The following MPRIP variants were observed in gnomAD, a reference collection of about 807,000 sequenced individuals.
MPRIP encodes myosin phosphatase Rho-interacting protein.
Under a neutral mutation model 234.9 loss-of-function variants are expected in MPRIP, and 59 were observed. The observed-to-expected ratio is 0.25, with a 90% CI of 0.20 to 0.31. The LOEUF (loss-of-function observed/expected upper bound fraction) is 0.31. Among genes scored for constraint, MPRIP ranks in the 10% least tolerant of loss-of-function variants. MPRIP has a pLI of 1.00. For missense variants in MPRIP, 2,436 were observed against 3,071.0 expected (o/e 0.79, Z 4.89); for synonymous variants, 1,144 against 1,263.9 (o/e 0.91, Z 2.01).
intron 4 of MPRIP, among the ~76,000 whole-genome samples, chr17:17,129,056 GGT>G (rs2090547067): frequency 6.6e-6 from 1 of 152,170 alleles, no homozygotes; most frequent in Admixed American, 6.5e-5. Flanking sequence ...CTTCTTCCCA[GGT>G]CTTCTCTGCA....
At chr17:17,046,277 C>T (rs1176751553) in intron 1 of MPRIP, among the ~76,000 whole-genome samples, 1 of 152,164 alleles carries the variant, frequency 6.6e-6, no homozygotes, top group African/African-American at 2.4e-5. Context: ...ATAATTTAAC[C>T]CGTTTCCTTA....
At chr17:17,049,754 T>C (rs771292763) in intron 1 of MPRIP, among the ~76,000 whole-genome samples, 18 of 152,148 alleles carry the variant, frequency 1.2e-4, no homozygotes, top group Non-Finnish European at 1.9e-4. Flanking sequence ...CCATTCTTGG[T>C]TTTGGGGTCT....
intron 3 of MPRIP, among the ~76,000 whole-genome samples, chr17:17,079,248 G>C (rs1468026829): frequency 1.3e-5 from 2 of 152,200 alleles, no homozygotes; most frequent in African/African-American, 4.8e-5. Flanking sequence ...CACCTCACTG[G>C]TTCCTACTTA....
At chr17:17,152,078 C>A (rs1053099919) in intron 12 of MPRIP, among the ~76,000 whole-genome samples, 2 of 152,252 alleles carry the variant, frequency 1.3e-5, no homozygotes, top group African/African-American at 4.8e-5. Flanking sequence ...CTAAGAAAAT[C>A]CTGGCCGCCA....
In MPRIP at chr17:17,078,198, G is replaced by A; in HGVS notation, c.267+122G>A. ...TGCTCCTGCTTGTGTCTGTTTGGGAGTGTGGAATGTTTTGAAGAACTTGTG... is the reference window on the plus strand; with the variant it reads ...TGCTCCTGCTTGTGTCTGTTTGGGAATGTGGAATGTTTTGAAGAACTTGTG... On this transcript the variant is annotated intron_variant, in intron 3 of 23. Coordinates refer to ENST00000651222, the MANE Select transcript of MPRIP (RefSeq NM_001364716.4). The surrounding 1 kb of genome is among the most constrained non-coding windows in gnomAD (Gnocchi z 4.3). 1 of 1,064,458 alleles carries A rather than the reference G, an allele frequency of 9.4e-7. No homozygotes were observed. The highest frequency in any genetic ancestry group is 1.4e-6 in the Non-Finnish European group (1 of 711,712). The allele number at this position is 1,064,458 out of a possible 1,614,324, so 65.9% of individuals were successfully genotyped here.
At chr17:17,137,839 G>A in intron 6 of MPRIP, 77 bp from the exon 7 acceptor site, 4 of 1,384,698 alleles carry the variant, frequency 2.9e-6, no homozygotes, top group Non-Finnish European at 3.9e-6. Flanking sequence ...TCCTACATGG[G>A]CTTTAAAAAA....
At chr17:17,084,461 A>C (rs2089539065) in intron 3 of MPRIP, among the ~76,000 whole-genome samples, 2 of 152,192 alleles carry the variant, frequency 1.3e-5, no homozygotes, top group African/African-American at 4.8e-5. Flanking sequence ...TACTTCTCAC[A>C]ATGGTAGATA....
At chr17:17,112,686 T>C (rs1038570606) in intron 3 of MPRIP, among the ~76,000 whole-genome samples, 3 of 152,286 alleles carry the variant, frequency 2.0e-5, no homozygotes, top group East Asian at 1.9e-4. Context: ...GGAGCCCAGC[T>C]CTGCGGGAGG....
At chr17:17,093,947 C>G (rs1296331087) in intron 3 of MPRIP, among the ~76,000 whole-genome samples, 1 of 152,208 alleles carries the variant, frequency 6.6e-6, no homozygotes, top group African/African-American at 2.4e-5. Flanking sequence ...TAATGTTACT[C>G]ACAGAGCTGG....
chr17:17,043,628 C>T (rs1208862342), intron 1 of MPRIP, among the ~76,000 whole-genome samples: 5 of 152,184 alleles, frequency 3.3e-5, no homozygotes, highest in African/African-American at 4.8e-5. Flanking sequence ...CTAGTTATGA[C>T]TCCCAAACGT....
chr17:17,183,219 T>G, intron 23 of MPRIP: 1 of 152,174 alleles, frequency 6.6e-6, no homozygotes, highest in African/African-American at 2.4e-5. Context: ...ACCAGTGAGG[T>G]TGTTTGTTTG....
intron 14 of MPRIP, among the ~76,000 whole-genome samples, chr17:17,159,682 G>A (rs1415793933): frequency 6.6e-6 from 1 of 152,246 alleles, no homozygotes; most frequent in Non-Finnish European, 1.5e-5. Context: ...GAACTTCAGT[G>A]GTAGATTGAC....
chr17:17,171,700 C>T lies in MPRIP; in HGVS notation c.6325-18C>T. 6.2e-7 allele frequency: 1 copy of T among 1,604,372 alleles called. No individual in the cohort carries two copies. Among genetic ancestry groups the T allele is most frequent in the South Asian group, 1.1e-5 (1 of 89,350 alleles). Reference sequence around the variant, plus strand: ...AGGTAAAGAAAGAAGTCGATGAAGTCCCTTTTGCATTTTGCAGGCCACGTG... The same window carrying T: ...AGGTAAAGAAAGAAGTCGATGAAGTTCCTTTTGCATTTTGCAGGCCACGTG... On this transcript the variant is annotated intron_variant, in intron 16 of 23. Transcript: ENST00000651222.
chr17:17,125,008 G>A (rs1444564305), intron 3 of MPRIP, among the ~76,000 whole-genome samples: 1 of 152,216 alleles, frequency 6.6e-6, no homozygotes, highest in Non-Finnish European at 1.5e-5. Flanking sequence ...TTGGATCCAG[G>A]CTTCCTGGAC....
intron 12 of MPRIP, among the ~76,000 whole-genome samples, chr17:17,152,046 C>A (rs934583991): frequency 2.0e-5 from 3 of 152,248 alleles, no homozygotes; most frequent in African/African-American, 7.2e-5. Flanking sequence ...AGTATAGACC[C>A]AAAGGCCAGT....
intron 14 of MPRIP, among the ~76,000 whole-genome samples, chr17:17,159,305 G>A (rs1347941301): frequency 6.6e-6 from 1 of 152,248 alleles, no homozygotes; most frequent in Admixed American, 6.5e-5. Flanking sequence ...TGGTTTCCTC[G>A]TTCTGACTCC....
At position 17,166,706 on chromosome 17, in the gene MPRIP, A is replaced by G; in HGVS notation, c.5115A>G (p.Lys1705=). The part of the protein sequence containing the change: ...RGTQTALRQH[K]CLLREILGAY... ...CCCAGACGGCCCTGCGGCAGCACAAATGCCTGCTGAGGGAAATCCTGGGAG... is the reference window on the plus strand; with the variant it reads ...CCCAGACGGCCCTGCGGCAGCACAAGTGCCTGCTGAGGGAAATCCTGGGAG... The change falls in exon 16 of 24, where the codon AAA becomes AAG. Residue 1705 remains lysine (K), a synonymous_variant. Coordinates refer to ENST00000651222, the MANE Select transcript of MPRIP (RefSeq NM_001364716.4). This position sits in a 1 kb window ranked among gnomAD's most constrained non-coding sequence, Gnocchi z 4.4. 7.7e-7 allele frequency: 1 copy of G among 1,304,054 alleles called. No homozygotes were observed. The allele number at this position is 1,304,054 out of a possible 1,614,324, so 80.8% of individuals were successfully genotyped here. A position where few individuals can be genotyped will look rare whatever the true frequency, so the allele number is the denominator to read the frequency against.
chr17:17,189,721 C>T lies in MPRIP; in HGVS notation c.*4827C>T, dbSNP rs971968024. 2.0e-5 allele frequency: 3 copies of T among 152,176 alleles called. No homozygotes were observed. The highest frequency in any genetic ancestry group is 4.4e-5 in the Non-Finnish European group (3 of 68,032). The allele number at this position is 152,176 out of a possible 1,614,324, so 9.4% of individuals were successfully genotyped here. On this transcript the variant is annotated 3_prime_UTR_variant, in exon 24 of 24. Transcript: ENST00000651222. ...AGTCCTGGCTAGGGGAGCCATAGGT[C>T]TGTTGTACAAGGAATTTGCTTTCTA...
intron 4 of MPRIP, 123 bp downstream of exon 4, chr17:17,126,976 G>A: frequency 1.6e-6 from 2 of 1,231,712 alleles, no homozygotes; most frequent in Non-Finnish European, 1.1e-6. Flanking sequence ...CTATTCTTGG[G>A]CTCTGTCTCT....
Sources: allele counts gnomAD v4.1 joint callset (sites outside exome capture counted in the v4.1 genomes callset), GRCh38; gene constraint gnomAD v4.1.1; non-coding constraint Gnocchi (gnomAD v3.1); transcripts MANE v1.5; gene names NCBI Gene and HGNC (gene_info 2026-07-23, HGNC 2026-07-21).